The following COX17 variants were observed in gnomAD, a reference collection of about 807,000 sequenced individuals.
The protein encoded by COX17 is cytochrome c oxidase copper chaperone COX17.
A neutral mutation model predicts 6.3 loss-of-function variants in COX17; 1 was observed. The ratio of observed to expected loss-of-function variants is 0.16; its 90% CI spans 0.06 to 0.75. The LOEUF (loss-of-function observed/expected upper bound fraction) is 0.75. Among genes scored for constraint, COX17 ranks in the 30% least tolerant of loss-of-function variants. The pLI, the probability that COX17 is intolerant of heterozygous loss-of-function variation, is 0.77. For synonymous variants in COX17, 26 were observed against 30.5 expected (o/e 0.85, Z 0.49); for missense variants, 73 against 81.2 (o/e 0.90, Z 0.39).
chr3:119,668,247 T>G (rs1438505073), downstream of COX17, among the ~76,000 whole-genome samples: 1 of 152,166 alleles, frequency 6.6e-6, no homozygotes, highest in Non-Finnish European at 1.5e-5. Flanking sequence ...ATTTTTTTGT[T>G]TTCTTTTTTG....
chr3:119,675,321 C>A (rs2293235), intron 1 of COX17, 88 bp from the exon 2 acceptor site: 220 of 880,722 alleles, frequency 2.5e-4, no homozygotes, highest in Non-Finnish European at 3.8e-4. Context: ...AGACAAAACA[C>A]GGGTATAATG....
At chr3:119,668,844 C>G (rs1180810236), downstream of COX17, among the ~76,000 whole-genome samples, 1 of 151,862 alleles carries the variant, frequency 6.6e-6, no homozygotes, top group Non-Finnish European at 1.5e-5. Flanking sequence ...CTTCATTAGC[C>G]CATCAGCAGC....
At chr3:119,671,254 T>C (rs533161360) in intron 2 of COX17, among the ~76,000 whole-genome samples, 3 of 152,284 alleles carry the variant, frequency 2.0e-5, no homozygotes, top group Admixed American at 1.3e-4. Flanking sequence ...CTGGAAAACA[T>C]TCTTCAGATG....
chr3:119,677,075 GGGCAGAGGGCAGAA>G (rs879781586), intron 1 of COX17, 115 bp downstream of exon 1: 11,368 of 575,284 alleles, frequency 0.02, 132 homozygotes, highest in Middle Eastern at 0.042. Context: ...GGAAGGAAGA[GGGCAGAGGGCAGAA>G]GGCAGAGGGC....
downstream of COX17, among the ~76,000 whole-genome samples, chr3:119,666,108 C>A (rs894713715): frequency 2.7e-5 from 4 of 150,010 alleles, no homozygotes; most frequent in African/African-American, 9.8e-5. Context: ...AGATATCAAA[C>A]CTGCACATGG....
At chr3:119,676,014 A>AT (rs1221416251) in intron 1 of COX17, among the ~76,000 whole-genome samples, 7 of 152,228 alleles carry the variant, frequency 4.6e-5, no homozygotes, top group African/African-American at 1.4e-4. Flanking sequence ...CATTGTGAAG[A>AT]TAATAGCTAG....
chr3:119,667,726 CACAGAGAGAG>C (rs1251724908), downstream of COX17, among the ~76,000 whole-genome samples: 47 of 108,326 alleles, frequency 4.3e-4, no homozygotes, highest in Admixed American at 2.5e-3. Context: ...CACACACACA[CACAGAGAGAG>C]AGAGACAGAG....
chr3:119,674,827 T>G, intron 2 of COX17: 1 of 211,836 alleles, frequency 4.7e-6, no homozygotes, highest in East Asian at 1.1e-4. Flanking sequence ...TTTACTGAAG[T>G]CCCACAATAT....
chr3:119,677,028 G>GCAGACA, intron 1 of COX17, 176 bp downstream of exon 1: 2 of 558,292 alleles, frequency 3.6e-6, no homozygotes, highest in African/African-American at 2.1e-5. Flanking sequence ...CGGGGCGGGG[G>GCAGACA]GGGGGGGCAG....
At chr3:119,666,929 A>T (rs1276007597), downstream of COX17, 1 of 152,224 alleles carries the variant, frequency 6.6e-6, no homozygotes, top group Non-Finnish European at 1.5e-5. Context: ...CTCGCAGGTT[A>T]CCAGCTATTG....
intron 1 of COX17, 44 bp downstream of exon 1, chr3:119,677,160 G>T (rs2053113598): frequency 6.6e-7 from 1 of 1,521,046 alleles, no homozygotes; most frequent in African/African-American, 1.4e-5. Context: ...CACAGGCCGC[G>T]GCCCGGGGCT....
Position 119,677,365 on chromosome 3 carries a change from G to T in COX17, c.-55C>A. The T allele has an allele frequency of 7.0e-7, 1 of 1,434,096 alleles. No homozygotes were observed. The highest frequency in any genetic ancestry group is 9.7e-7 in the Non-Finnish European group (1 of 1,029,430). 88.8% of individuals were successfully genotyped at this position (1,434,096 alleles called of 1,614,324 possible). On this transcript the variant is annotated 5_prime_UTR_variant, in exon 1 of 3. Transcript: ENST00000261070. ...GACAGCCAAATCTATGCCAGCCTCG[G>T]CAAACGCCGATTCGTCCGCAGTCAC...
chr3:119,671,210 C>A (rs1409281377), intron 2 of COX17, among the ~76,000 whole-genome samples: 1 of 151,898 alleles, frequency 6.6e-6, no homozygotes, highest in Non-Finnish European at 1.5e-5. Context: ...GTTTCTCAGT[C>A]AACAGGTGCA....
intron 1 of COX17, 177 bp downstream of exon 1, chr3:119,677,027 G>C (rs1559736220): frequency 6.6e-6 from 3 of 451,358 alleles, no homozygotes; most frequent in South Asian, 2.1e-5. Context: ...GCGGGGCGGG[G>C]GGGGGGGGCA....
chr3:119,667,656 T>G (rs1355389933), downstream of COX17, among the ~76,000 whole-genome samples: 1 of 101,018 alleles, frequency 9.9e-6, no homozygotes, highest in African/African-American at 3.8e-5. Context: ...GTTATCAGAG[T>G]AGCCAAAAAA....
At chr3:119,677,084 G>T in intron 1 of COX17, 120 bp downstream of exon 1, 1 of 563,938 alleles carries the variant, frequency 1.8e-6, no homozygotes, top group Non-Finnish European at 3.1e-6. Flanking sequence ...AGGGCAGAGG[G>T]CAGAAGGCAG....
intron 2 of COX17, chr3:119,674,262 C>T (rs771461290): frequency 3.3e-5 from 5 of 151,862 alleles, no homozygotes; most frequent in African/African-American, 7.3e-5. Flanking sequence ...GGCTGCCCCA[C>T]GTCTGGGAAG....
At chr3:119,665,251 C>A (rs2052983625), downstream of COX17, 2 of 152,232 alleles carry the variant, frequency 1.3e-5, no homozygotes, top group Non-Finnish European at 2.9e-5. Context: ...GCAGGCCTAC[C>A]TTTCATCCAG....
intron 2 of COX17, chr3:119,674,602 C>T (rs1447786221): frequency 6.5e-6 from 1 of 153,300 alleles, no homozygotes; most frequent in Non-Finnish European, 1.5e-5. Flanking sequence ...TTGAGACCAG[C>T]CTGGGCAAGA....
Sources: allele counts gnomAD v4.1 joint callset (sites outside exome capture counted in the v4.1 genomes callset), GRCh38; gene constraint gnomAD v4.1.1; transcripts MANE v1.5; gene names NCBI Gene and HGNC (gene_info 2026-07-23, HGNC 2026-07-21).